CCDC141: variants seen among roughly 807,000 people sequenced by gnomAD.
The protein encoded by CCDC141 is coiled-coil domain-containing protein 141.
CCDC141 carries 168 observed loss-of-function variants against 181.0 expected under a neutral mutation model. That is an observed-to-expected ratio of 0.93 (90% CI 0.82 to 1.05). CCDC141 has a LOEUF of 1.05. Ranked by LOEUF, CCDC141 falls within the 50% of genes least tolerant of loss-of-function variation. The probability of loss-of-function intolerance (pLI) is 0.00; values close to 1 mark genes in which losing one functional copy is unlikely to be tolerated. For synonymous variants in CCDC141, 666 were observed against 642.3 expected, an observed-to-expected ratio of 1.04 and a Z score of -0.56; for missense variants, 1,902 against 1,788.5, an observed-to-expected ratio of 1.06 and a Z score of -1.14.
At chr2:178,899,086 G>A (rs560489697) in intron 8 of CCDC141, among the ~76,000 whole-genome samples, 9 of 152,092 alleles carry the variant, frequency 5.9e-5, no homozygotes, top group South Asian at 4.2e-4. Context: ...ATGGCGGTCC[G>A]ACAAGATTAT....
Position 178,865,900 on chromosome 2 carries a change from G to A in CCDC141, c.2591C>T (p.Ser864Phe), listed in dbSNP as rs373816025. The A allele has an allele frequency of 1.9e-4, 298 of 1,590,358 alleles. 4 individuals carry two copies. In the South Asian group the frequency reaches 3.2e-3, roughly 17 times the overall value. The stretch of plus-strand genomic sequence containing the variant: ...CAGCTGCTGCTGTAGGTTCTTTGCA[G>A]AAACATTAGAGCAGTGCTAAAAGAG... ...SVQRPHCSNV[S>F]AKNLQQQLEL... The change falls in exon 17 of 24, where the codon TCT becomes TTT. Residue 864 changes from serine to phenylalanine, a missense_variant. Transcript: ENST00000443758.
At chr2:178,827,145 A>T (rs1684139003), downstream of CCDC141, among the ~76,000 whole-genome samples, 1 of 152,048 alleles carries the variant, frequency 6.6e-6, no homozygotes, top group African/African-American at 2.4e-5. Flanking sequence ...TTTAATCTAC[A>T]GGTATTTCTG....
intron 3 of CCDC141, 69 bp from the exon 4 acceptor site, chr2:178,975,234 C>T (rs1691068872): frequency 1.0e-5 from 8 of 781,100 alleles, no homozygotes; most frequent in Non-Finnish European, 1.6e-5. Flanking sequence ...TGTTAGTTAC[C>T]TGGAGATGTT....
At chr2:178,999,388 C>T (rs1263470560) in intron 2 of CCDC141, among the ~76,000 whole-genome samples, 1 of 152,112 alleles carries the variant, frequency 6.6e-6, no homozygotes, top group Non-Finnish European at 1.5e-5. Context: ...TCAGTTTCGT[C>T]TTTCAACGCT....
intron 2 of CCDC141, among the ~76,000 whole-genome samples, chr2:178,981,804 G>A (rs1480658371): frequency 6.7e-6 from 1 of 149,484 alleles, no homozygotes; most frequent in Non-Finnish European, 1.5e-5. Context: ...AAAATTAGAG[G>A]AGGAATCAAT....
intron 6 of CCDC141, 133 bp from the exon 7 acceptor site, chr2:178,919,040 AT>A: frequency 1.2e-6 from 1 of 806,746 alleles, no homozygotes; most frequent in Non-Finnish European, 1.9e-6. Context: ...TTGGGAGATG[AT>A]TAGTGACCTT....
rs1575161503 is a variant in CCDC141 at position 178,878,834 on chromosome 2, C to A, written c.1720-691G>T. On this transcript the variant is annotated intron_variant, in intron 11 of 23. Transcript: ENST00000443758. ...TTTATGTCAAAGACCTGTGTGGTTT[C>A]ATTTAAAGCCAAGTTTTATAATTCA... Among the ~76,000 whole-genome samples the A allele has an allele frequency of 5.3e-5, 8 of 152,126 alleles. No homozygotes were observed. The South Asian group carries it at 1.7e-3, about 32-fold the overall frequency.
intron 17 of CCDC141, among the ~76,000 whole-genome samples, chr2:178,858,731 C>T (rs1027057924): frequency 6.6e-6 from 1 of 151,874 alleles, no homozygotes; most frequent in Admixed American, 6.6e-5. Context: ...TATTCTTCTA[C>T]TTATATATAA....
chr2:178,828,297 CCGTGTTGCGTAG>C (rs1436373475), downstream of CCDC141, among the ~76,000 whole-genome samples: 3 of 152,196 alleles, frequency 2.0e-5, no homozygotes, highest in African/African-American at 4.8e-5. Context: ...AGCGTCCTCA[CCGTGTTGCGTAG>C]CCAGTTTATC....
chr2:178,978,353 T>G, intron 3 of CCDC141, 131 bp downstream of exon 3: 1 of 491,578 alleles, frequency 2.0e-6, no homozygotes, highest in Non-Finnish European at 3.4e-6. Context: ...ATATATTGTG[T>G]ATGTATGTTT....
At chr2:178,977,790 A>G (rs1423332852) in intron 3 of CCDC141, among the ~76,000 whole-genome samples, 1 of 152,200 alleles carries the variant, frequency 6.6e-6, no homozygotes, top group Non-Finnish European at 1.5e-5. Flanking sequence ...GTTAAAAGTG[A>G]AATTTCCAAT....
chr2:178,942,160 G>A (rs1258502138), intron 6 of CCDC141, among the ~76,000 whole-genome samples: 1 of 152,002 alleles, frequency 6.6e-6, no homozygotes, highest in Non-Finnish European at 1.5e-5. Context: ...TAAAGGAAGT[G>A]CATATACTTG....
chr2:178,983,309 A>T (rs1185838115), intron 2 of CCDC141, among the ~76,000 whole-genome samples: 2 of 152,144 alleles, frequency 1.3e-5, no homozygotes, highest in East Asian at 3.9e-4. Context: ...CCAAAAACCC[A>T]TCTGTACATC....
chr2:179,015,580 T>TATATATGATATATATCTC (rs1559050160), intron 2 of CCDC141, among the ~76,000 whole-genome samples: 58 of 82,386 alleles, frequency 7.0e-4, no homozygotes, highest in Non-Finnish European at 1.3e-3. Context: ...ATATATCTCA[T>TATATATGATATATATCTC]ATATATCTCA....
downstream of CCDC141, among the ~76,000 whole-genome samples, chr2:178,828,977 A>G (rs1684169190): frequency 6.6e-6 from 1 of 152,178 alleles, no homozygotes; most frequent in Admixed American, 6.5e-5. Flanking sequence ...ATTTCATTTT[A>G]TTACCTAGTT....
intron 6 of CCDC141, among the ~76,000 whole-genome samples, chr2:178,941,368 T>A (rs2154376886): frequency 6.6e-6 from 1 of 152,278 alleles, no homozygotes; most frequent in African/African-American, 2.4e-5. Flanking sequence ...ACTCCTGAAG[T>A]CTTAATAGCC....
At chr2:178,961,884 C>T (rs146192107) in intron 4 of CCDC141, among the ~76,000 whole-genome samples, 2 of 152,266 alleles carry the variant, frequency 1.3e-5, no homozygotes, top group African/African-American at 4.8e-5. Context: ...CAAACAAAAA[C>T]TCAATAAATG....
In CCDC141 at chr2:178,964,500, C is replaced by A. The variant is rs556004012; in HGVS notation, c.527-3017G>T. ...TTTTTTTTCTGGTTTTCTGTTTCAC[C>A]CTCTGCCAAAATAACATAACAACTA... On this transcript the variant is annotated intron_variant, in intron 4 of 23. Transcript: ENST00000443758. Among the ~76,000 whole-genome samples the A allele has an allele frequency of 6.2e-4, 94 of 152,158 alleles. 1 individual carries two copies. The highest frequency in any genetic ancestry group is 2.2e-3 in the African/African-American group (92 of 41,502).
At position 178,855,610 on chromosome 2, in the gene CCDC141, T is replaced by C. The variant is rs574136580; in HGVS notation, c.2866-69A>G. 23 of 1,081,016 alleles carry C rather than the reference T, an allele frequency of 2.1e-5. No homozygotes were observed. The African/African-American group carries it at 3.3e-4, about 15-fold the overall frequency. The allele number at this position is 1,081,016 out of a possible 1,614,324, so 67.0% of individuals were successfully genotyped here. A position where few individuals can be genotyped will look rare whatever the true frequency, so the allele number is the denominator to read the frequency against. On this transcript the variant is annotated intron_variant, in intron 18 of 23. Transcript: ENST00000443758. ...ATTTATGATGCTAGTGATTAAATAC[T>C]GAGAGAAAAACTGGTAAAAATTTTG...
Sources: allele counts gnomAD v4.1 joint callset (sites outside exome capture counted in the v4.1 genomes callset), GRCh38; gene constraint gnomAD v4.1.1; transcripts MANE v1.5; gene names NCBI Gene and HGNC (gene_info 2026-07-23, HGNC 2026-07-21).